NOS1AP: variants seen among roughly 807,000 people sequenced by gnomAD.
NOS1AP encodes the protein carboxyl-terminal PDZ ligand of neuronal nitric oxide synthase protein.
A neutral mutation model predicts 56.2 loss-of-function variants in NOS1AP; 21 were observed. That is an observed-to-expected ratio of 0.37 (90% CI 0.26 to 0.54). The LOEUF is 0.54. NOS1AP is among the 20% of genes least tolerant of loss of function. The probability of loss-of-function intolerance (pLI) is 0.84; values close to 1 mark genes in which losing one functional copy is unlikely to be tolerated. For synonymous variants in NOS1AP, 270 were observed against 274.6 expected, an observed-to-expected ratio of 0.98 and a Z score of 0.17; for missense variants, 522 against 657.8, an observed-to-expected ratio of 0.79 and a Z score of 2.26.
chr1:162,304,778 A>ATC (rs940600379), intron 4 of NOS1AP, among the ~76,000 whole-genome samples: 6 of 112,518 alleles, frequency 5.3e-5, no homozygotes, highest in Admixed American at 3.1e-4. Context: ...GAATTTTTAT[A>ATC]TCTGTGTGTG....
chr1:162,289,246 TTCC>T (rs1655199167), intron 3 of NOS1AP, among the ~76,000 whole-genome samples: 1 of 91,178 alleles, frequency 1.1e-5, no homozygotes, highest in African/African-American at 4.2e-5. Context: ...CCTTCCTTCC[TTCC>T]TTCCTTCCTT....
intron 1 of NOS1AP, among the ~76,000 whole-genome samples, chr1:162,138,219 A>G (rs1390560944): frequency 6.6e-6 from 1 of 152,198 alleles, no homozygotes; most frequent in Non-Finnish European, 1.5e-5. Flanking sequence ...AGAAAAAAGC[A>G]TAGCCTGGTG....
chr1:162,360,509 T>C (rs1657866556), intron 8 of NOS1AP: 3 of 283,916 alleles, frequency 1.1e-5, no homozygotes, highest in Admixed American at 9.3e-5. Flanking sequence ...AGTTTGCCAA[T>C]TCCCAGCCTT....
At chr1:162,211,525 T>A (rs538415102) in intron 2 of NOS1AP, among the ~76,000 whole-genome samples, 2 of 152,288 alleles carry the variant, frequency 1.3e-5, no homozygotes, top group East Asian at 3.9e-4. Context: ...GTGCAGAATG[T>A]TGGTGGGGGA....
At chr1:162,241,346 A>T (rs1242091333) in intron 2 of NOS1AP, among the ~76,000 whole-genome samples, 1 of 152,232 alleles carries the variant, frequency 6.6e-6, no homozygotes, top group South Asian at 2.1e-4. Context: ...TTGCATACGG[A>T]ACAGCATGGA....
intron 1 of NOS1AP, among the ~76,000 whole-genome samples, chr1:162,087,376 C>T (rs1463519716): frequency 6.6e-6 from 1 of 152,124 alleles, no homozygotes; most frequent in East Asian, 1.9e-4. Flanking sequence ...AGGCAGCCAC[C>T]TCCCCATTCT....
chr1:162,350,860 G>C (rs2101814518), intron 6 of NOS1AP, among the ~76,000 whole-genome samples: 1 of 152,246 alleles, frequency 6.6e-6, no homozygotes, highest in South Asian at 2.1e-4. Context: ...TGATAAATCA[G>C]TTAATACAGG....
chr1:162,292,767 A>C (rs1364744630), intron 3 of NOS1AP, among the ~76,000 whole-genome samples: 1 of 152,226 alleles, frequency 6.6e-6, no homozygotes, highest in Non-Finnish European at 1.5e-5. Flanking sequence ...GTTCCTGCCC[A>C]AACAGTAGTG....
intron 1 of NOS1AP, among the ~76,000 whole-genome samples, chr1:162,076,953 G>T (rs1691782802): frequency 6.6e-6 from 1 of 152,116 alleles, no homozygotes; most frequent in Non-Finnish European, 1.5e-5. Flanking sequence ...ATATATCATT[G>T]TATGGATATA....
At chr1:162,096,255 G>A (rs560555635) in intron 1 of NOS1AP, among the ~76,000 whole-genome samples, 3 of 152,266 alleles carry the variant, frequency 2.0e-5, no homozygotes, top group East Asian at 3.9e-4. Context: ...TCTGTTCAGA[G>A]AGCTCCAATG....
At chr1:162,208,296 A>G (rs1016482869) in intron 2 of NOS1AP, among the ~76,000 whole-genome samples, 7 of 152,282 alleles carry the variant, frequency 4.6e-5, no homozygotes, top group South Asian at 2.1e-4. Flanking sequence ...TACACACCCA[A>G]TTTAACTCTG....
chr1:162,255,114 C>A (rs1653982252), intron 2 of NOS1AP, among the ~76,000 whole-genome samples: 1 of 152,162 alleles, frequency 6.6e-6, no homozygotes. Context: ...TTCACATCTC[C>A]CTGGGGCTGC....
At chr1:162,286,344 G>C (rs1382929125) in intron 2 of NOS1AP, among the ~76,000 whole-genome samples, 1 of 152,180 alleles carries the variant, frequency 6.6e-6, no homozygotes, top group Non-Finnish European at 1.5e-5. Context: ...AAGGGATGTG[G>C]GTGGGCTTTG....
intron 2 of NOS1AP, among the ~76,000 whole-genome samples, chr1:162,165,528 C>A (rs1446555269): frequency 6.6e-6 from 1 of 152,062 alleles, no homozygotes; most frequent in African/African-American, 2.4e-5. Context: ...ACTGAGGTAC[C>A]AAGAGGTTAA....
At chr1:162,169,881 A>G (rs1166123470) in intron 2 of NOS1AP, among the ~76,000 whole-genome samples, 1 of 152,062 alleles carries the variant, frequency 6.6e-6, no homozygotes, top group Admixed American at 6.6e-5. Context: ...AATTTCTTAC[A>G]ATCTTCCCAT....
At chr1:162,313,298 A>G (rs1656109952) in intron 4 of NOS1AP, among the ~76,000 whole-genome samples, 1 of 152,236 alleles carries the variant, frequency 6.6e-6, no homozygotes, top group African/African-American at 2.4e-5. Flanking sequence ...CATAACTGTT[A>G]CTAAAAATAA....
chr1:162,154,691 A>G (rs1055148435), intron 2 of NOS1AP, among the ~76,000 whole-genome samples: 3 of 152,216 alleles, frequency 2.0e-5, no homozygotes, highest in Non-Finnish European at 4.4e-5. Flanking sequence ...GAGTGGTACC[A>G]TCTTCCCTCT....
chr1:162,123,648 AT>A (rs1365759118), intron 1 of NOS1AP, among the ~76,000 whole-genome samples: 5 of 152,220 alleles, frequency 3.3e-5, no homozygotes, highest in Non-Finnish European at 7.3e-5. Context: ...TGTATTTGAA[AT>A]TTTTAAATTT....
At chr1:162,152,866 G>A (rs559204038) in intron 1 of NOS1AP, among the ~76,000 whole-genome samples, 4 of 152,178 alleles carry the variant, frequency 2.6e-5, no homozygotes, top group South Asian at 4.1e-4. Flanking sequence ...CACAGATGTC[G>A]CAGTCTTATC....
Sources: allele counts gnomAD v4.1 joint callset (sites outside exome capture counted in the v4.1 genomes callset), GRCh38; gene constraint gnomAD v4.1.1; transcripts MANE v1.5; gene names NCBI Gene and HGNC (gene_info 2026-07-23, HGNC 2026-07-21).